The following DOCK2 variants were observed in gnomAD, a reference collection of about 807,000 sequenced individuals.
DOCK2 encodes the protein dedicator of cytokinesis 2, also known as dedicator of cytokinesis protein 2.
DOCK2 carries 87 observed loss-of-function variants against 248.9 expected under a neutral mutation model. That is an observed-to-expected ratio of 0.35 (90% CI 0.29 to 0.42). The LOEUF (loss-of-function observed/expected upper bound fraction) is 0.42, where lower values mean the gene tolerates loss of function less well. DOCK2 is among the 10% of genes least tolerant of loss of function. The pLI is 1.00. For synonymous variants in DOCK2, 805 were observed against 821.6 expected (o/e 0.98, Z 0.35); for missense variants, 1,747 against 2,300.2 (o/e 0.76, Z 4.92).
chr5:170,020,131 A>AT (rs1290085016), intron 33 of DOCK2, among the ~76,000 whole-genome samples: 1 of 152,076 alleles, frequency 6.6e-6, no homozygotes, highest in African/African-American at 2.4e-5. Context: ...CCTTCTGAAG[A>AT]ATGTCTCAGC....
At chr5:169,758,809 A>G (rs1240597956) in intron 23 of DOCK2, among the ~76,000 whole-genome samples, 1 of 152,224 alleles carries the variant, frequency 6.6e-6, no homozygotes, top group Non-Finnish European at 1.5e-5. Flanking sequence ...TATGTTAAGA[A>G]TCTCAGTTGT....
chr5:169,813,782 C>T (rs898450815), intron 26 of DOCK2, among the ~76,000 whole-genome samples: 1 of 152,030 alleles, frequency 6.6e-6, no homozygotes, highest in Non-Finnish European at 1.5e-5. Context: ...TTGAGAATGT[C>T]GAGGTCTCCT....
At chr5:169,995,872 A>G (rs1754608649) in intron 29 of DOCK2, among the ~76,000 whole-genome samples, 2 of 152,248 alleles carry the variant, frequency 1.3e-5, no homozygotes, top group Non-Finnish European at 2.9e-5. Context: ...ATTTTCAAAA[A>G]GAAGTCGAAC....
intron 34 of DOCK2, among the ~76,000 whole-genome samples, chr5:170,031,016 T>C (rs938266820): frequency 2.6e-5 from 4 of 152,236 alleles, no homozygotes; most frequent in Admixed American, 2.6e-4. Flanking sequence ...ACAAGCTATA[T>C]AACCTTACAC....
chr5:169,993,403 G>T (rs1318980227), intron 29 of DOCK2, among the ~76,000 whole-genome samples: 1 of 152,190 alleles, frequency 6.6e-6, no homozygotes, highest in African/African-American at 2.4e-5. Flanking sequence ...GTCCAGAGGG[G>T]TCTGAAGCCA....
At chr5:169,715,390 G>A (rs900730010) in intron 19 of DOCK2, among the ~76,000 whole-genome samples, 1 of 152,114 alleles carries the variant, frequency 6.6e-6, no homozygotes. Flanking sequence ...GGAAAATCAA[G>A]TTTTATTTAA....
intron 1 of DOCK2, among the ~76,000 whole-genome samples, chr5:169,651,250 C>G (rs537437039): frequency 1.3e-5 from 2 of 152,270 alleles, no homozygotes; most frequent in Non-Finnish European, 2.9e-5. Context: ...CCTTAAGAGG[C>G]CCTTATGCAA....
rs568400697 is a variant in DOCK2, at chr5:169,651,217, T to C, written c.44-3186T>C. 6.6e-5 allele frequency among the ~76,000 whole-genome samples: 10 copies of C among 152,352 alleles called. No individual in the cohort carries two copies. In the South Asian group the frequency reaches 1.4e-3, roughly 22 times the overall value. On this transcript the variant is annotated intron_variant, in intron 1 of 51. Transcript: ENST00000520908. ...GCAAAGCCACTTCCTTTGTCAGTCA[T>C]GTCTGCTTTTCTTCAAATGGAGCCT...
intron 9 of DOCK2, among the ~76,000 whole-genome samples, chr5:169,692,483 T>G (rs1005695514): frequency 1.3e-5 from 2 of 152,002 alleles, no homozygotes; most frequent in Non-Finnish European, 2.9e-5. Context: ...ATTTGGCTAT[T>G]TTTTACACTT....
intron 27 of DOCK2, among the ~76,000 whole-genome samples, chr5:169,974,049 A>C (rs549735215): frequency 6.6e-6 from 1 of 152,316 alleles, no homozygotes; most frequent in South Asian, 2.1e-4. Context: ...CTTTTGAGGT[A>C]TGGCTTAATT....
chr5:169,734,134 C>A (rs752121249), intron 22 of DOCK2, among the ~76,000 whole-genome samples: 2 of 151,922 alleles, frequency 1.3e-5, no homozygotes, highest in Non-Finnish European at 2.9e-5. Flanking sequence ...TCCAGCTTAC[C>A]AAGTTCTCTC....
chr5:169,888,022 C>T (rs1441971584), intron 27 of DOCK2, among the ~76,000 whole-genome samples: 3 of 152,072 alleles, frequency 2.0e-5, no homozygotes, highest in South Asian at 2.1e-4. Flanking sequence ...TTTTACACAA[C>T]GTTTGATACA....
intron 22 of DOCK2, among the ~76,000 whole-genome samples, chr5:169,731,409 C>G (rs1316687121): frequency 6.6e-6 from 1 of 152,170 alleles, no homozygotes; most frequent in Non-Finnish European, 1.5e-5. Flanking sequence ...CACAAGCTCC[C>G]TCTTTGCCTG....
At chr5:170,025,492 C>T (rs1755869472) in intron 33 of DOCK2, among the ~76,000 whole-genome samples, 1 of 152,218 alleles carries the variant, frequency 6.6e-6, no homozygotes, top group African/African-American at 2.4e-5. Flanking sequence ...GACCTACCAG[C>T]TTTCCCAAGA....
At chr5:169,910,651 C>A (rs1169326808) in intron 27 of DOCK2, among the ~76,000 whole-genome samples, 4 of 152,168 alleles carry the variant, frequency 2.6e-5, no homozygotes, top group African/African-American at 9.7e-5. Context: ...GCAGGGGCCA[C>A]GGCAATGAAG....
chr5:169,639,940 A>C (rs1197121818), intron 1 of DOCK2, among the ~76,000 whole-genome samples: 2 of 152,332 alleles, frequency 1.3e-5, no homozygotes, highest in South Asian at 2.1e-4. Flanking sequence ...CGAGGCTGGA[A>C]GTCTAAGATC....
At chr5:169,713,945 G>T in intron 17 of DOCK2, 83 bp from the exon 18 acceptor site, 1 of 1,440,494 alleles carries the variant, frequency 6.9e-7, no homozygotes, top group Non-Finnish European at 9.2e-7. Context: ...CCACTTCACA[G>T]TGTCTAATTT....
chr5:170,016,777 C>T (rs1755553613), intron 32 of DOCK2, among the ~76,000 whole-genome samples: 1 of 152,184 alleles, frequency 6.6e-6, no homozygotes, highest in Non-Finnish European at 1.5e-5. Context: ...TACCTTCTAC[C>T]TGTTTTTGCA....
At chr5:170,046,648 T>C (rs1463405528) in intron 39 of DOCK2, among the ~76,000 whole-genome samples, 2 of 152,202 alleles carry the variant, frequency 1.3e-5, no homozygotes, top group South Asian at 2.1e-4. Context: ...CTGTTTTCAC[T>C]GTTTGTAAGA....
Sources: allele counts gnomAD v4.1 joint callset (sites outside exome capture counted in the v4.1 genomes callset), GRCh38; gene constraint gnomAD v4.1.1; transcripts MANE v1.5; gene names NCBI Gene and HGNC (gene_info 2026-07-23, HGNC 2026-07-21).